Variants in MED13L observed in about 807,000 individuals in gnomAD.
MED13L encodes mediator of RNA polymerase II transcription subunit 13-like.
Under a neutral mutation model 220.9 loss-of-function variants are expected in MED13L, and 7 were observed. The observed-to-expected ratio is 0.03, with a 90% CI of 0.02 to 0.06. MED13L has a LOEUF of 0.06. MED13L is among the 10% of genes least tolerant of loss of function. The pLI, the probability that MED13L is intolerant of heterozygous loss-of-function variation, is 1.00. For synonymous variants in MED13L, 1,011 were observed against 1,015.2 expected, an observed-to-expected ratio of 1.00 and a Z score of 0.08; for missense variants, 1,965 against 2,760.5, an observed-to-expected ratio of 0.71 and a Z score of 6.46.
intron 1 of MED13L, among the ~76,000 whole-genome samples, chr12:116,241,172 T>C (rs1472232409): frequency 6.6e-6 from 1 of 151,132 alleles, no homozygotes; most frequent in Non-Finnish European, 1.5e-5. Context: ...CGGGGCGTGG[T>C]GGTGCACCTG....
At chr12:116,228,733 A>G (rs553861205) in intron 2 of MED13L, among the ~76,000 whole-genome samples, 1 of 152,308 alleles carries the variant, frequency 6.6e-6, no homozygotes, top group African/African-American at 2.4e-5. Context: ...GCTCTACTCC[A>G]TTCAATGTTA....
intron 2 of MED13L, among the ~76,000 whole-genome samples, chr12:116,232,627 C>G: frequency 6.6e-6 from 1 of 152,194 alleles, no homozygotes; most frequent in East Asian, 1.9e-4. Flanking sequence ...ACATACTAGG[C>G]TGAATCTGAT....
chr12:116,239,185 T>C (rs1334466203), intron 1 of MED13L, among the ~76,000 whole-genome samples: 1 of 151,986 alleles, frequency 6.6e-6, no homozygotes, highest in Non-Finnish European at 1.5e-5. Context: ...ACAAAGATAA[T>C]ATACAAACTA....
rs118168984 is a variant in MED13L, at chr12:116,182,832, G to T, written c.310+54636C>A. On this transcript the variant is annotated intron_variant, in intron 2 of 30. Transcript: ENST00000281928. Reference sequence around the variant, plus strand: ...AAGGACGCCCTCCCACCTCCCACCTGAAGTTCCTGCAGGACACTTCCAGAG... The same window carrying T: ...AAGGACGCCCTCCCACCTCCCACCTTAAGTTCCTGCAGGACACTTCCAGAG... 8.9e-3 allele frequency among the ~76,000 whole-genome samples: 1,349 copies of T among 152,212 alleles called. 14 individuals are homozygous for T. Among genetic ancestry groups the T allele is most frequent in the South Asian group, 0.051 (247 of 4,820 alleles).
intron 2 of MED13L, among the ~76,000 whole-genome samples, chr12:116,138,696 T>A (rs1876794374): frequency 1.3e-5 from 2 of 152,234 alleles, no homozygotes; most frequent in African/African-American, 4.8e-5. Context: ...TCTGCAATAT[T>A]GTGACCTAAC....
intron 4 of MED13L, among the ~76,000 whole-genome samples, chr12:116,024,003 T>A (rs2137453961): frequency 6.6e-6 from 1 of 152,316 alleles, no homozygotes; most frequent in East Asian, 1.9e-4. Context: ...TTTTACTGAT[T>A]GTGGATTGGC....
chr12:116,021,570 AAAT>A (rs2137442658), intron 5 of MED13L, among the ~76,000 whole-genome samples: 2 of 152,294 alleles, frequency 1.3e-5, no homozygotes, highest in South Asian at 4.1e-4. Context: ...AGAAAACAAA[AAAT>A]AAATACAATG....
At chr12:116,014,967 C>A (rs1401668766) in intron 8 of MED13L, 142 bp downstream of exon 8, 1 of 803,056 alleles carries the variant, frequency 1.2e-6, no homozygotes, top group Non-Finnish European at 2.1e-6. Flanking sequence ...AAATTTTATT[C>A]TATTAAATTC....
At chr12:116,225,343 C>T (rs1868870911) in intron 2 of MED13L, among the ~76,000 whole-genome samples, 1 of 152,100 alleles carries the variant, frequency 6.6e-6, no homozygotes, top group African/African-American at 2.4e-5. Context: ...GTTAATAAAG[C>T]CTTTACCATA....
chr12:115,972,294 T>G, intron 25 of MED13L, 58 bp from the exon 26 acceptor site: 3 of 1,597,548 alleles, frequency 1.9e-6, no homozygotes, highest in Non-Finnish European at 2.6e-6. Context: ...GATGGGAGAT[T>G]TGAGCTTTTT....
intron 1 of MED13L, among the ~76,000 whole-genome samples, chr12:116,251,838 G>C (rs1871596186): frequency 6.6e-6 from 1 of 151,438 alleles, no homozygotes; most frequent in Admixed American, 6.6e-5. Flanking sequence ...TATTTACGTT[G>C]AGAGTGAAAT....
chr12:116,262,467 T>C (rs1288643566), intron 1 of MED13L, among the ~76,000 whole-genome samples: 1 of 152,224 alleles, frequency 6.6e-6, no homozygotes, highest in African/African-American at 2.4e-5. Flanking sequence ...TAAAGTCAGC[T>C]CTGTGGGTTC....
chr12:116,030,796 A>T (rs1252128535), intron 4 of MED13L, among the ~76,000 whole-genome samples: 1 of 152,158 alleles, frequency 6.6e-6, no homozygotes, highest in African/African-American at 2.4e-5. Context: ...GATAAATCTG[A>T]TATATATGAA....
At chr12:116,190,493 C>T (rs1881202822) in intron 2 of MED13L, among the ~76,000 whole-genome samples, 1 of 152,160 alleles carries the variant, frequency 6.6e-6, no homozygotes, top group Non-Finnish European at 1.5e-5. Flanking sequence ...TGAATTAAAA[C>T]ACATTCCTCC....
intron 4 of MED13L, among the ~76,000 whole-genome samples, chr12:116,031,758 AAGAAGGAAG>A (rs1445460997): frequency 3.6e-4 from 37 of 103,052 alleles, no homozygotes; most frequent in Admixed American, 9.1e-4. Flanking sequence ...AAGAAAAGAA[AAGAAGGAAG>A]GAAGGAAGGA....
intron 4 of MED13L, among the ~76,000 whole-genome samples, chr12:116,073,193 T>A (rs1870518333): frequency 6.6e-6 from 1 of 152,208 alleles, no homozygotes; most frequent in Non-Finnish European, 1.5e-5. Context: ...TATTTTTTTT[T>A]AATTTTTAAA....
At chr12:116,003,167 T>C in intron 13 of MED13L, 65 bp from the exon 14 acceptor site, 2 of 1,417,398 alleles carry the variant, frequency 1.4e-6, no homozygotes, top group Admixed American at 1.7e-5. Context: ...ATTCAAATAT[T>C]TCCTAATGTA....
chr12:115,983,640 G>A, intron 20 of MED13L, 100 bp from the exon 21 acceptor site: 1 of 1,274,060 alleles, frequency 7.8e-7, no homozygotes, highest in African/African-American at 1.5e-5. Flanking sequence ...TATGCTTTCA[G>A]GCTGCAATAC....
At chr12:115,992,679 A>T (rs114918675) in intron 16 of MED13L, among the ~76,000 whole-genome samples, 1 of 152,354 alleles carries the variant, frequency 6.6e-6, no homozygotes, top group African/African-American at 2.4e-5. Flanking sequence ...GCACAGAAGT[A>T]CACATACTGT....
Sources: allele counts gnomAD v4.1 joint callset (sites outside exome capture counted in the v4.1 genomes callset), GRCh38; gene constraint gnomAD v4.1.1; transcripts MANE v1.5; gene names NCBI Gene and HGNC (gene_info 2026-07-23, HGNC 2026-07-21).